WWOX: variants seen among roughly 807,000 people sequenced by gnomAD.
WWOX encodes the protein WW domain-containing oxidoreductase.
Under a neutral mutation model 46.2 loss-of-function variants are expected in WWOX, and 69 were observed. That is an observed-to-expected ratio of 1.49 (90% CI 1.23 to 1.82). The LOEUF (loss-of-function observed/expected upper bound fraction) is 1.82. Ranked by LOEUF, WWOX falls within the 40% of genes most tolerant of loss-of-function variation. The pLI, the probability that WWOX is intolerant of heterozygous loss-of-function variation, is 0.00. For missense variants in WWOX, 919 were observed against 542.6 expected, an observed-to-expected ratio of 1.69 and a Z score of -6.89; for synonymous variants, 359 against 202.6, an observed-to-expected ratio of 1.77 and a Z score of -6.56.
At chr16:78,200,093 C>T (rs191944892) in intron 5 of WWOX, among the ~76,000 whole-genome samples, 470 of 152,226 alleles carry the variant, frequency 3.1e-3, no homozygotes, top group Non-Finnish European at 5.3e-3. Flanking sequence ...CTTTATATCT[C>T]CTGTTTTAAG....
intron 5 of WWOX, among the ~76,000 whole-genome samples, chr16:78,218,814 G>C (rs1282279376): frequency 1.3e-5 from 2 of 152,176 alleles, no homozygotes; most frequent in African/African-American, 4.8e-5. Flanking sequence ...CTATCTGTAG[G>C]GACAGTGATT....
intron 8 of WWOX, among the ~76,000 whole-genome samples, chr16:79,045,877 C>G (rs1031499785): frequency 7.3e-6 from 1 of 136,698 alleles, no homozygotes; most frequent in Non-Finnish European, 1.5e-5. Context: ...TCTCAGCTCA[C>G]TGCAACCTCT....
At chr16:78,971,580 G>T (rs971213255) in intron 8 of WWOX, among the ~76,000 whole-genome samples, 1 of 151,932 alleles carries the variant, frequency 6.6e-6, no homozygotes, top group Non-Finnish European at 1.5e-5. Context: ...GGAGCAAAGT[G>T]TGCTTCCCAG....
chr16:78,675,804 T>A (rs2047583873), intron 8 of WWOX, among the ~76,000 whole-genome samples: 1 of 152,188 alleles, frequency 6.6e-6, no homozygotes, highest in African/African-American at 2.4e-5. Flanking sequence ...CGAGACCTTG[T>A]CTGTACTAAA....
intron 8 of WWOX, among the ~76,000 whole-genome samples, chr16:78,648,575 T>G (rs1395697107): frequency 6.6e-6 from 1 of 152,064 alleles, no homozygotes; most frequent in Non-Finnish European, 1.5e-5. Flanking sequence ...TAATGCCCAT[T>G]TTTGCTAAAT....
chr16:78,295,626 G>T (rs144641831), intron 5 of WWOX, among the ~76,000 whole-genome samples: 1 of 152,184 alleles, frequency 6.6e-6, no homozygotes, highest in Non-Finnish European at 1.5e-5. Flanking sequence ...TGGGAGAATC[G>T]CTTGAACCCA....
At chr16:78,735,454 C>T (rs2049068624) in intron 8 of WWOX, among the ~76,000 whole-genome samples, 1 of 147,712 alleles carries the variant, frequency 6.8e-6, no homozygotes, top group Admixed American at 6.8e-5. Flanking sequence ...TCTGGAGAAC[C>T]CTGACTAATA....
intron 8 of WWOX, among the ~76,000 whole-genome samples, chr16:78,770,992 A>G (rs1455080955): frequency 2.0e-5 from 3 of 152,218 alleles, no homozygotes; most frequent in Non-Finnish European, 4.4e-5. Flanking sequence ...TGGAGCAGAG[A>G]CATGAAGGAA....
intron 8 of WWOX, chr16:79,206,311 G>C (rs1348786192): frequency 6.6e-6 from 1 of 152,210 alleles, no homozygotes; most frequent in Non-Finnish European, 1.5e-5. Flanking sequence ...AATGGGCCAC[G>C]TGCAAATATT....
At chr16:79,017,437 A>AAAAC (rs2047439150) in intron 8 of WWOX, 1 of 130,262 alleles carries the variant, frequency 7.7e-6, no homozygotes, top group African/African-American at 3.6e-5. Flanking sequence ...CTCAAAAAAA[A>AAAAC]AAAAAAAAAA....
At chr16:79,142,876 TA>T (rs933133067) in intron 8 of WWOX, among the ~76,000 whole-genome samples, 54 of 152,212 alleles carry the variant, frequency 3.5e-4, no homozygotes, top group African/African-American at 1.3e-3. Flanking sequence ...TTTTTATATA[TA>T]TTTTTTTACA....
At chr16:78,203,521 C>T (rs2036296694) in intron 5 of WWOX, among the ~76,000 whole-genome samples, 1 of 152,072 alleles carries the variant, frequency 6.6e-6, no homozygotes, top group African/African-American at 2.4e-5. Context: ...TATGTTTTTT[C>T]TTGGCAGAAA....
At position 78,727,485 on chromosome 16, in the gene WWOX, G is replaced by A. The variant is rs1003607876; in HGVS notation, c.1056+294733G>A. Among the ~76,000 whole-genome samples the A allele has an allele frequency of 4.6e-5, 7 of 152,126 alleles. No individual in the cohort carries two copies. The South Asian group carries it at 6.2e-4, about 14-fold the overall frequency. ...CATCACCACAGAACTGCCAGGGTAC[G>A]TGTTTCCTAGCCCATAGCGAGTCCC... On this transcript the variant is annotated intron_variant, in intron 8 of 8. Transcript: ENST00000566780.
chr16:78,468,684 C>T (rs2084145265), intron 8 of WWOX, among the ~76,000 whole-genome samples: 1 of 152,172 alleles, frequency 6.6e-6, no homozygotes, highest in African/African-American at 2.4e-5. Flanking sequence ...TACGTTACTG[C>T]ACCTGTTTGA....
chr16:78,457,686 G>C (rs1369119079), intron 8 of WWOX, among the ~76,000 whole-genome samples: 3 of 152,084 alleles, frequency 2.0e-5, no homozygotes, highest in Admixed American at 6.5e-5. Context: ...GGCCGAGGCA[G>C]GTGGATCACC....
At chr16:78,293,978 G>GAAAAAAAAAAAA (rs35079271) in intron 5 of WWOX, among the ~76,000 whole-genome samples, 6 of 30,322 alleles carry the variant, frequency 2.0e-4, no homozygotes, top group Non-Finnish European at 3.3e-4. Flanking sequence ...CTCTGTCTCA[G>GAAAAAAAAAAAA]AAAAAAAAAA....
intron 8 of WWOX, among the ~76,000 whole-genome samples, chr16:78,792,746 C>G (rs2050637977): frequency 6.6e-6 from 1 of 152,078 alleles, no homozygotes; most frequent in South Asian, 2.1e-4. Flanking sequence ...TGAGGGTTAG[C>G]CAAAGCAAAG....
At chr16:79,028,680 A>C (rs1356848071) in intron 8 of WWOX, among the ~76,000 whole-genome samples, 1 of 151,788 alleles carries the variant, frequency 6.6e-6, no homozygotes, top group African/African-American at 2.4e-5. Flanking sequence ...GACATTACAC[A>C]TAAGCCCCCA....
intron 8 of WWOX, among the ~76,000 whole-genome samples, chr16:78,681,201 A>G (rs556597543): frequency 1.5e-3 from 234 of 152,220 alleles, no homozygotes; most frequent in Non-Finnish European, 2.9e-3. Context: ...TTGAGCCGAG[A>G]TCATGCCACA....
Sources: allele counts gnomAD v4.1 joint callset (sites outside exome capture counted in the v4.1 genomes callset), GRCh38; gene constraint gnomAD v4.1.1; transcripts MANE v1.5; gene names NCBI Gene and HGNC (gene_info 2026-07-23, HGNC 2026-07-21).